TFEC: variants seen among roughly 807,000 people sequenced by gnomAD.
The protein encoded by TFEC is transcription factor EC, also known as class E basic helix-loop-helix protein 34.
In TFEC, 31 loss-of-function variants were observed where a neutral mutation model predicts 41.6. The ratio of observed to expected loss-of-function variants is 0.74; its 90% CI spans 0.56 to 1.01. The LOEUF (loss-of-function observed/expected upper bound fraction) is 1.01, where lower values mean the gene tolerates loss of function less well. TFEC is among the 50% of genes least tolerant of loss of function. The pLI is 0.00. For synonymous variants in TFEC, 143 were observed against 140.6 expected, an observed-to-expected ratio of 1.02 and a Z score of -0.12; for missense variants, 402 against 404.1, an observed-to-expected ratio of 0.99 and a Z score of 0.04.
At chr7:115,983,934 TTAAC>T (rs1793736867) in intron 2 of TFEC, among the ~76,000 whole-genome samples, 1 of 152,124 alleles carries the variant, frequency 6.6e-6, no homozygotes, top group African/African-American at 2.4e-5. Context: ...TTAAGACAAT[TTAAC>T]TACTGATAAA....
intron 3 of TFEC, among the ~76,000 whole-genome samples, chr7:116,068,708 T>C (rs1796753811): frequency 6.6e-6 from 1 of 151,654 alleles, no homozygotes; most frequent in Non-Finnish European, 1.5e-5. Flanking sequence ...TAATGAGAAT[T>C]AATAAATCCA....
intron 6 of TFEC, among the ~76,000 whole-genome samples, chr7:115,950,539 T>G (rs903460368): frequency 6.6e-6 from 1 of 152,094 alleles, no homozygotes; most frequent in Non-Finnish European, 1.5e-5. Flanking sequence ...GTTATACTCA[T>G]AAAAATTGAA....
chr7:115,955,297 A>G (rs1253224773), intron 4 of TFEC, among the ~76,000 whole-genome samples: 1 of 152,082 alleles, frequency 6.6e-6, no homozygotes. Flanking sequence ...CTGACCTGTG[A>G]AGCCACTAGC....
intron 3 of TFEC, among the ~76,000 whole-genome samples, chr7:116,049,365 G>T (rs1386982050): frequency 6.6e-6 from 1 of 152,148 alleles, no homozygotes; most frequent in Non-Finnish European, 1.5e-5. Context: ...AACCAACAAA[G>T]ATCAGAAGAG....
chr7:116,117,268 C>G (rs764713848), intron 1 of TFEC, among the ~76,000 whole-genome samples: 1 of 151,766 alleles, frequency 6.6e-6, no homozygotes, highest in Non-Finnish European at 1.5e-5. Flanking sequence ...CAATTAATGA[C>G]CAAAATGTCC....
intron 1 of TFEC, among the ~76,000 whole-genome samples, chr7:116,123,383 T>C (rs994447774): frequency 1.3e-5 from 2 of 152,142 alleles, no homozygotes; most frequent in East Asian, 1.9e-4. Context: ...AAGCATTCTA[T>C]TTGCAGTTAC....
rs1793278611 is a variant in TFEC, at chr7:115,937,314, T to G, written c.*3237A>C. ...TTATGCATTAATAGTCCCATTACAG[T>G]TGATGCTTTTTGTGACAGCATTGTT... is the stretch of plus-strand genomic sequence containing the variant. On this transcript the variant is annotated 3_prime_UTR_variant, in exon 8 of 8. Transcript: ENST00000265440. 6.6e-6 allele frequency: 1 copy of G among 151,726 alleles called. No homozygotes were observed. The highest frequency in any genetic ancestry group is 6.6e-5 in the Admixed American group (1 of 15,216). The allele number at this position is 151,726 out of a possible 1,614,324, so 9.4% of individuals were successfully genotyped here. A position where few individuals can be genotyped will look rare whatever the true frequency, so the allele number is the denominator to read the frequency against.
At chr7:116,056,453 C>T (rs1265713723) in intron 3 of TFEC, among the ~76,000 whole-genome samples, 1 of 152,082 alleles carries the variant, frequency 6.6e-6, no homozygotes, top group African/African-American at 2.4e-5. Flanking sequence ...GAGGAAAATA[C>T]TGAAGGACAG....
chr7:116,134,068 A>C (rs1798388220), intron 1 of TFEC, among the ~76,000 whole-genome samples: 1 of 152,234 alleles, frequency 6.6e-6, no homozygotes, highest in Non-Finnish European at 1.5e-5. Context: ...CTGCCTCACT[A>C]GGTCTTTGTA....
At chr7:116,156,560 A>G (rs76769865) in intron 1 of TFEC, among the ~76,000 whole-genome samples, 2,863 of 152,222 alleles carry the variant, frequency 0.019, 97 homozygotes, top group African/African-American at 0.066. Context: ...TTTTCTTGCA[A>G]TTTGGCCACA....
intron 6 of TFEC, among the ~76,000 whole-genome samples, chr7:115,947,801 T>C (rs1418412100): frequency 2.6e-5 from 4 of 152,064 alleles, no homozygotes; most frequent in Admixed American, 6.6e-5. Context: ...TTAAGTTCAT[T>C]GTAGATTCTG....
chr7:116,103,599 T>C (rs1374755419), intron 3 of TFEC, among the ~76,000 whole-genome samples: 6 of 152,182 alleles, frequency 3.9e-5, no homozygotes, highest in Non-Finnish European at 7.3e-5. Flanking sequence ...ATAGAAATTA[T>C]ACTATTTCTG....
At chr7:115,986,921 A>AT (rs1262299405) in intron 1 of TFEC, among the ~76,000 whole-genome samples, 1 of 151,554 alleles carries the variant, frequency 6.6e-6, no homozygotes, top group African/African-American at 2.4e-5. Context: ...GTATATATAA[A>AT]AAAACATAAA....
intron 1 of TFEC, among the ~76,000 whole-genome samples, chr7:115,998,684 T>C (rs1417708642): frequency 6.6e-6 from 1 of 151,962 alleles, no homozygotes; most frequent in Non-Finnish European, 1.5e-5. Context: ...GTCATTATAC[T>C]AATAATAGAT....
chr7:115,995,526 T>C (rs930237748), intron 1 of TFEC, among the ~76,000 whole-genome samples: 2 of 152,100 alleles, frequency 1.3e-5, no homozygotes, highest in African/African-American at 4.8e-5. Flanking sequence ...CCAGAGGAGA[T>C]GGGGAAGATG....
At chr7:116,145,040 G>C (rs917590699) in intron 1 of TFEC, among the ~76,000 whole-genome samples, 3 of 152,106 alleles carry the variant, frequency 2.0e-5, no homozygotes, top group Non-Finnish European at 4.4e-5. Flanking sequence ...CTAGCCAACT[G>C]TAGCAAAAAA....
intron 1 of TFEC, among the ~76,000 whole-genome samples, chr7:116,012,833 A>C (rs1411288337): frequency 6.6e-6 from 1 of 151,456 alleles, no homozygotes; most frequent in African/African-American, 2.4e-5. Context: ...CTGGAAAAAA[A>C]AAAAAAAAAA....
intron 1 of TFEC, among the ~76,000 whole-genome samples, chr7:116,144,627 G>C (rs1328138999): frequency 6.6e-6 from 1 of 151,994 alleles, no homozygotes; most frequent in Non-Finnish European, 1.5e-5. Context: ...TGGAATAACG[G>C]GCATGAGCCA....
At position 115,938,769 on chromosome 7, in the gene TFEC, T is replaced by C. The variant is rs1793349427; in HGVS notation, c.*1782A>G. ...TCTCACTCATTAGTAATATATATTT[T>C]AGTTTTTAGCATCCTCCCTGCTACT... is the stretch of plus-strand genomic sequence containing the variant. On this transcript the variant is annotated 3_prime_UTR_variant, in exon 8 of 8. Transcript: ENST00000265440. 1 of 151,906 alleles carries C rather than the reference T, an allele frequency of 6.6e-6. No individual in the cohort carries two copies. The highest frequency in any genetic ancestry group is 2.1e-4 in the South Asian group (1 of 4,832). 9.4% of individuals were successfully genotyped at this position (151,906 alleles called of 1,614,324 possible). A position where few individuals can be genotyped will look rare whatever the true frequency, so the allele number is the denominator to read the frequency against.
Sources: gnomAD v4.1 joint callset for allele counts (sites outside exome capture counted in the v4.1 genomes callset) on GRCh38, gnomAD v4.1.1 for gene constraint, MANE v1.5 for transcripts, NCBI Gene and HGNC (gene_info 2026-07-23, HGNC 2026-07-21) for gene names.